Variants in ABLIM3 observed in about 807,000 individuals in gnomAD.
The protein encoded by ABLIM3 is actin-binding LIM protein 3.
ABLIM3 carries 61 observed loss-of-function variants against 109.5 expected under a neutral mutation model. The observed-to-expected ratio is 0.56, with a 90% CI of 0.45 to 0.69. The LOEUF (loss-of-function observed/expected upper bound fraction) is 0.69, where lower values mean the gene tolerates loss of function less well. ABLIM3 is among the 30% of genes least tolerant of loss of function. ABLIM3 has a pLI of 0.00. For synonymous variants in ABLIM3, 300 were observed against 324.8 expected (o/e 0.92, Z 0.82); for missense variants, 796 against 889.5 (o/e 0.89, Z 1.34).
rs953646102 is a variant in ABLIM3, at chr5:149,249,797, A to G, written c.1700-18A>G. 3 of 1,614,016 alleles carry G rather than the reference A, an allele frequency of 1.9e-6. No individual in the cohort carries two copies. In the Admixed American group the frequency reaches 5.0e-5, roughly 27 times the overall value. On this transcript the variant is annotated intron_variant, in intron 18 of 23. Coordinates refer to ENST00000309868, the MANE Select transcript of ABLIM3 (RefSeq NM_014945.5). Reference sequence around the variant, plus strand: ...TCTTTCCTCATGAGCAATGACCTTCAGCTTTTCTCTCCTGCAGCCCCTCGG... The same window carrying G: ...TCTTTCCTCATGAGCAATGACCTTCGGCTTTTCTCTCCTGCAGCCCCTCGG...
intron 2 of ABLIM3, among the ~76,000 whole-genome samples, chr5:149,167,635 C>T (rs1430032997): frequency 5.3e-5 from 8 of 152,112 alleles, no homozygotes; most frequent in Non-Finnish European, 2.9e-5. Flanking sequence ...TTAAATGTTT[C>T]TTGTAAACCA....
At chr5:149,178,071 C>A (rs1207701292) in intron 2 of ABLIM3, among the ~76,000 whole-genome samples, 2 of 152,140 alleles carry the variant, frequency 1.3e-5, no homozygotes, top group Admixed American at 1.3e-4. Flanking sequence ...GTGCAACGAT[C>A]CCATGACTCT....
chr5:149,212,734 G>A (rs1759683033), intron 7 of ABLIM3, among the ~76,000 whole-genome samples: 1 of 152,188 alleles, frequency 6.6e-6, no homozygotes, highest in Non-Finnish European at 1.5e-5. Flanking sequence ...AACTGGGGAT[G>A]ACAGGGGAAA....
chr5:149,204,435 A>G (rs961207334), intron 5 of ABLIM3, among the ~76,000 whole-genome samples: 7 of 152,144 alleles, frequency 4.6e-5, no homozygotes, highest in Non-Finnish European at 1.0e-4. Flanking sequence ...AGAGGGCGAA[A>G]AGGTCCTAAT....
intron 2 of ABLIM3, among the ~76,000 whole-genome samples, chr5:149,171,038 C>G (rs189756771): frequency 2.7e-4 from 41 of 152,308 alleles, no homozygotes; most frequent in Non-Finnish European, 8.8e-5. Context: ...AAAATCATCT[C>G]ACTTCATGTA....
At chr5:149,149,322 AACTC>A (rs1326547566) in intron 2 of ABLIM3, among the ~76,000 whole-genome samples, 1 of 152,262 alleles carries the variant, frequency 6.6e-6, no homozygotes, top group Non-Finnish European at 1.5e-5. Flanking sequence ...TAACATTAGA[AACTC>A]ACAGGCATTG....
At chr5:149,164,215 G>A (rs1056953927) in intron 2 of ABLIM3, 4 of 152,172 alleles carry the variant, frequency 2.6e-5, no homozygotes, top group South Asian at 2.1e-4. Flanking sequence ...TCGTGGGAAC[G>A]AGTGTGTTGC....
intron 2 of ABLIM3, among the ~76,000 whole-genome samples, chr5:149,175,531 C>G (rs1450055404): frequency 1.3e-5 from 2 of 152,134 alleles, no homozygotes; most frequent in East Asian, 1.9e-4. Context: ...GAACACAGAT[C>G]TACTTGACTA....
intron 2 of ABLIM3, among the ~76,000 whole-genome samples, chr5:149,159,909 A>C (rs1001065915): frequency 6.6e-6 from 1 of 151,968 alleles, no homozygotes; most frequent in Non-Finnish European, 1.5e-5. Context: ...TCTCCATCTC[A>C]TTTGTACTTA....
intron 7 of ABLIM3, 106 bp downstream of exon 7, chr5:149,210,925 C>A: frequency 9.9e-7 from 1 of 1,009,658 alleles, no homozygotes; most frequent in Middle Eastern, 2.1e-4. Context: ...TTTCCATAGC[C>A]TTTACCTCCT....
chr5:149,142,065 TG>T lies in ABLIM3; in HGVS notation c.-30del, dbSNP rs769136614. 1 of 1,612,570 alleles carries T rather than the reference TG, an allele frequency of 6.2e-7. No individual in the cohort carries two copies. Among genetic ancestry groups the T allele is most frequent in the South Asian group, 1.1e-5 (1 of 91,046 alleles). ...TAAAAAGCAGCCGGGGCCTCCGTAT[TG>T]AATGAAAGACCCAGTGCAAAGACAT... is the stretch of plus-strand genomic sequence containing the variant. On this transcript the variant is annotated 5_prime_UTR_variant, in exon 2 of 24. The change abolishes the stop of an existing upstream ORF in the 5' untranslated region. Coordinates refer to ENST00000309868, the MANE Select transcript of ABLIM3 (RefSeq NM_014945.5).
intron 7 of ABLIM3, among the ~76,000 whole-genome samples, chr5:149,212,191 CTG>C (rs1277059707): frequency 6.6e-6 from 1 of 152,092 alleles, no homozygotes; most frequent in Non-Finnish European, 1.5e-5. Flanking sequence ...TCTGTGGTTA[CTG>C]TGTGGAGAAT....
rs778772533 is a variant in ABLIM3, at chr5:149,240,738, A to G, written c.1267A>G (p.Thr423Ala). ...GTTAGATGTGAGGTCCTCCACTCCA[A>G]CCTCTTACCAGGCTCCCAAGCACTT... ...SQLDVRSSTP[T>A]SYQAPKHFHI... The change falls in exon 14 of 24, where the codon ACC becomes GCC. Residue 423 changes from threonine to alanine, a missense_variant. Physicochemically the swap from Thr to Ala is moderately conservative, Grantham distance 58 (BLOSUM62 0). Coordinates refer to ENST00000309868, the MANE Select transcript of ABLIM3 (RefSeq NM_014945.5). The G allele has an allele frequency of 3.7e-6, 6 of 1,613,960 alleles. No homozygotes were observed. The highest frequency in any genetic ancestry group is 4.5e-5 in the East Asian group (2 of 44,866).
intron 3 of ABLIM3, among the ~76,000 whole-genome samples, chr5:149,196,313 T>G (rs1462929613): frequency 6.6e-6 from 1 of 152,246 alleles, no homozygotes; most frequent in African/African-American, 2.4e-5. Context: ...CAACTTCCCC[T>G]GTTAAAGGTG....
rs1474073820 is a variant in ABLIM3 at position 149,259,290 on chromosome 5, T to C, written c.*886T>C. 2.2e-6 allele frequency: 3 copies of C among 1,369,064 alleles called. No individual in the cohort carries two copies. The highest frequency in any genetic ancestry group is 2.8e-6 in the Non-Finnish European group (3 of 1,060,840). The allele number at this position is 1,369,064 out of a possible 1,614,324, so 84.8% of individuals were successfully genotyped here. ...CTTCCCTCTTTCAAGGAGAAGCCCATGATTGCAGCTTGTATTCTTTAGCCT... is the reference window on the plus strand; with the variant it reads ...CTTCCCTCTTTCAAGGAGAAGCCCACGATTGCAGCTTGTATTCTTTAGCCT... On this transcript the variant is annotated 3_prime_UTR_variant, in exon 24 of 24. Transcript: ENST00000309868.
At position 149,174,336 on chromosome 5, in the gene ABLIM3, A is replaced by T. The variant is rs1196551115; in HGVS notation, c.14-9116A>T. On this transcript the variant is annotated intron_variant, in intron 2 of 23. Transcript: ENST00000309868. ...TTTTCTATATTCCCTCCACTCTGAT[A>T]CTTCCCTGCCATGTTGAGGAAAGCC... 3.3e-5 allele frequency among the ~76,000 whole-genome samples: 5 copies of T among 152,018 alleles called. No individual in the cohort carries two copies. The East Asian group carries it at 9.7e-4, about 29-fold the overall frequency.
rs543133785 is a variant in ABLIM3 at position 149,238,252 on chromosome 5, T to C, written c.1044+649T>C. Among the ~76,000 whole-genome samples the C allele has an allele frequency of 2.0e-4, 31 of 152,344 alleles. No homozygotes were observed. In the South Asian group the frequency reaches 6.4e-3, roughly 32 times the overall value. The stretch of plus-strand genomic sequence containing the variant: ...AATTACCCTGGAGGTCCTGGCAGTC[T>C]ATATCCTAGAAGATTTCTAACCTTA... On this transcript the variant is annotated intron_variant, in intron 11 of 23. Transcript: ENST00000309868.
At chr5:149,254,996 A>G (rs1340628675) in intron 23 of ABLIM3, among the ~76,000 whole-genome samples, 1 of 152,206 alleles carries the variant, frequency 6.6e-6, no homozygotes, top group Non-Finnish European at 1.5e-5. Context: ...CTAGGAGGGG[A>G]CTGAAGAAGG....
intron 5 of ABLIM3, among the ~76,000 whole-genome samples, chr5:149,203,764 A>G (rs1292508889): frequency 6.6e-6 from 1 of 152,092 alleles, no homozygotes; most frequent in Non-Finnish European, 1.5e-5. Flanking sequence ...AACACCAACA[A>G]TATCAGCATC....
Sources: allele counts gnomAD v4.1 joint callset (sites outside exome capture counted in the v4.1 genomes callset), GRCh38; gene constraint gnomAD v4.1.1; transcripts MANE v1.5; gene names NCBI Gene and HGNC (gene_info 2026-07-23, HGNC 2026-07-21).